The following ZBTB20 variants were observed in gnomAD, a reference collection of about 807,000 sequenced individuals.
ZBTB20 encodes the protein zinc finger and BTB domain containing 20.
In ZBTB20, 9 loss-of-function variants were observed where a neutral mutation model predicts 56.9. The ratio of observed to expected loss-of-function variants is 0.16; its 90% confidence interval spans 0.10 to 0.28. ZBTB20 has a LOEUF of 0.28. ZBTB20 is among the 10% of genes least tolerant of loss of function. ZBTB20 has a pLI of 1.00. For synonymous variants in ZBTB20, 417 were observed against 420.7 expected (o/e 0.99, Z 0.11); for missense variants, 655 against 1,003.0 (o/e 0.65, Z 4.69).
intron 5 of ZBTB20, among the ~76,000 whole-genome samples, chr3:114,726,708 C>T (rs530549889): frequency 6.6e-6 from 1 of 151,804 alleles, no homozygotes; most frequent in African/African-American, 2.4e-5. Context: ...GTCAGGAAAT[C>T]ATGATCATCC....
rs1257549974 is a variant in ZBTB20, at chr3:114,322,932, C to T, written c.*16073G>A. The T allele has an allele frequency of 1.3e-5, 2 of 152,142 alleles. No individual in the cohort carries two copies. Among genetic ancestry groups the T allele is most frequent in the African/African-American group, 4.8e-5 (2 of 41,422 alleles). 9.4% of individuals were successfully genotyped at this position (152,142 alleles called of 1,614,324 possible). A position where few individuals can be genotyped will look rare whatever the true frequency, so the allele number is the denominator to read the frequency against. On this transcript the variant is annotated 3_prime_UTR_variant, in exon 12 of 12. Coordinates refer to ENST00000675478, the MANE Select transcript of ZBTB20 (RefSeq NM_001348800.3). ...TTGAGAATTTTCCAAATTGATGCCC[C>T]ATATGTGACAGTGTTCAGAGAAATT...
Position 114,350,947 on chromosome 3 carries a change from C to G in ZBTB20, c.1131G>C (p.Ser377=). ...ESEPKGESFD[S]GVSSSIGTEP... ...CGGTGCCTATGGAGGAGCTGACGCC[C>G]GAGTCGAAGCTTTCACCTTTGGGCT... is the stretch of plus-strand genomic sequence containing the variant. Residue 377 remains serine (S), a synonymous_variant, in exon 11 of 12, where the codon TCG becomes TCC. Transcript: ENST00000675478. The G allele has an allele frequency of 6.2e-7, 1 of 1,606,064 alleles. No homozygotes were observed.
At position 114,490,801 on chromosome 3, in the gene ZBTB20, CAG is replaced by C. The variant is rs2042661845; in HGVS notation, c.-255+9549_-255+9550del. 2.0e-5 allele frequency among the ~76,000 whole-genome samples: 3 copies of C among 152,104 alleles called. No individual in the cohort carries two copies. In the South Asian group the frequency reaches 6.2e-4, roughly 31 times the overall value. On this transcript the variant is annotated intron_variant, in intron 7 of 11. Coordinates refer to ENST00000675478, the MANE Select transcript of ZBTB20 (RefSeq NM_001348800.3). Reference sequence around the variant, plus strand: ...GCATACTAGAGGCTTGGCAATAAGGCAGAGAGTAGATATTTTTTGAGAAAGTA... The same window carrying C: ...GCATACTAGAGGCTTGGCAATAAGGCAGAGTAGATATTTTTTGAGAAAGTA...
At chr3:114,888,426 C>T (rs1359113344) in intron 4 of ZBTB20, among the ~76,000 whole-genome samples, 1 of 151,900 alleles carries the variant, frequency 6.6e-6, no homozygotes, top group Non-Finnish European at 1.5e-5. Flanking sequence ...TTTTAAAAAT[C>T]CAAGTGGTAT....
chr3:115,108,895 C>T (rs897111136), intron 1 of ZBTB20, among the ~76,000 whole-genome samples: 1 of 152,014 alleles, frequency 6.6e-6, no homozygotes, highest in African/African-American at 2.4e-5. Flanking sequence ...AAAAGTGGCA[C>T]GGAGTTTAGT....
rs543110797 is a variant in ZBTB20, at chr3:114,809,514, C to T, written c.-416-8340G>A. 3.3e-5 allele frequency among the ~76,000 whole-genome samples: 5 copies of T among 151,706 alleles called. No homozygotes were observed. The East Asian group carries it at 5.8e-4, about 18-fold the overall frequency. ...TTTTTTAACTCCAGAATTTTTGTTC[C>T]TTTTAAAATAACACTTATGTTTATA... is the stretch of plus-strand genomic sequence containing the variant. On this transcript the variant is annotated intron_variant, in intron 4 of 11. Transcript: ENST00000675478.
At chr3:114,408,507 C>A (rs1040723625) in intron 7 of ZBTB20, among the ~76,000 whole-genome samples, 1 of 152,050 alleles carries the variant, frequency 6.6e-6, no homozygotes, top group Non-Finnish European at 1.5e-5. Context: ...TCATACCCTC[C>A]CTTCCTTTCT....
intron 5 of ZBTB20, among the ~76,000 whole-genome samples, chr3:114,784,386 C>T (rs988598371): frequency 8.5e-5 from 13 of 152,112 alleles, no homozygotes; most frequent in Non-Finnish European, 1.8e-4. Flanking sequence ...AAAGAGTGAA[C>T]AGAAATATAA....
intron 6 of ZBTB20, among the ~76,000 whole-genome samples, chr3:114,555,685 G>C (rs78991826): frequency 1.3e-5 from 2 of 152,154 alleles, no homozygotes; most frequent in African/African-American, 4.8e-5. Context: ...TGACCCTCAG[G>C]CATGGGATAA....
chr3:114,725,590 A>G (rs1317775584), intron 5 of ZBTB20, among the ~76,000 whole-genome samples: 1 of 152,240 alleles, frequency 6.6e-6, no homozygotes, highest in East Asian at 1.9e-4. Context: ...AATATACTCA[A>G]CTTACACATG....
At chr3:115,132,123 T>C (rs2084524775) in intron 1 of ZBTB20, among the ~76,000 whole-genome samples, 1 of 152,204 alleles carries the variant, frequency 6.6e-6, no homozygotes, top group Non-Finnish European at 1.5e-5. Flanking sequence ...ATATAATTTA[T>C]TAACTTTGAA....
intron 10 of ZBTB20, among the ~76,000 whole-genome samples, chr3:114,371,855 A>T (rs1263030520): frequency 3.3e-5 from 5 of 152,078 alleles, no homozygotes; most frequent in Non-Finnish European, 7.4e-5. Context: ...GCTGATAAAA[A>T]GTTAGAACTG....
At chr3:114,996,164 A>G (rs1262041752) in intron 2 of ZBTB20, among the ~76,000 whole-genome samples, 1 of 151,814 alleles carries the variant, frequency 6.6e-6, no homozygotes, top group Non-Finnish European at 1.5e-5. Flanking sequence ...AAAAGCCTAA[A>G]GAGAAAAACA....
At chr3:114,663,510 AATGACAGGATCAAATCC>A (rs2060867219) in intron 6 of ZBTB20, among the ~76,000 whole-genome samples, 2 of 150,972 alleles carry the variant, frequency 1.3e-5, no homozygotes, top group African/African-American at 4.9e-5. Context: ...CTAACATCAT[AATGACAGGATCAAATCC>A]ACACATAACA....
At chr3:114,753,440 C>CGT (rs2067762241) in intron 5 of ZBTB20, among the ~76,000 whole-genome samples, 1 of 9,522 alleles carries the variant, frequency 1.1e-4, no homozygotes, top group Admixed American at 1.7e-3. Context: ...TATACACACA[C>CGT]ACTTTTTTTT....
intron 6 of ZBTB20, among the ~76,000 whole-genome samples, chr3:114,664,387 T>C (rs576233621): frequency 6.2e-4 from 94 of 152,108 alleles, no homozygotes; most frequent in Non-Finnish European, 1.1e-3. Flanking sequence ...ATAACTGGCT[T>C]AAGAAGGAGA....
intron 5 of ZBTB20, among the ~76,000 whole-genome samples, chr3:114,699,316 G>A (rs2063247971): frequency 6.6e-6 from 1 of 152,056 alleles, no homozygotes; most frequent in African/African-American, 2.4e-5. Flanking sequence ...TAGCCATTTA[G>A]TAATGGAAGA....
chr3:115,066,496 G>A (rs1450737764), intron 2 of ZBTB20, among the ~76,000 whole-genome samples: 2 of 152,002 alleles, frequency 1.3e-5, no homozygotes, highest in Non-Finnish European at 2.9e-5. Flanking sequence ...ACTTCACCCT[G>A]ATTTCCATTA....
chr3:115,101,153 TACA>T (rs1056820918), intron 1 of ZBTB20, among the ~76,000 whole-genome samples: 13 of 152,298 alleles, frequency 8.5e-5, no homozygotes, highest in Admixed American at 6.5e-4. Flanking sequence ...TACATAGTGG[TACA>T]ACAACAGAAA....
Sources: gnomAD v4.1 joint callset for allele counts (sites outside exome capture counted in the v4.1 genomes callset) on GRCh38, gnomAD v4.1.1 for gene constraint, MANE v1.5 for transcripts, NCBI Gene and HGNC (gene_info 2026-07-23, HGNC 2026-07-21) for gene names.